Variants in CALN1 observed in about 807,000 individuals in gnomAD.
CALN1 encodes calcium-binding protein 8.
Under a neutral mutation model 30.6 loss-of-function variants are expected in CALN1, and 17 were observed. That is an observed-to-expected ratio of 0.56 (90% CI 0.38 to 0.83). The LOEUF is 0.83. Ranked by LOEUF, CALN1 falls within the 40% of genes least tolerant of loss-of-function variation. CALN1 has a pLI of 0.00. For missense variants in CALN1, 291 were observed against 354.9 expected (o/e 0.82, Z 1.45); for synonymous variants, 156 against 131.4 (o/e 1.19, Z -1.28).
intron 4 of CALN1, among the ~76,000 whole-genome samples, chr7:72,090,022 G>A (rs1805746564): frequency 6.6e-6 from 1 of 152,294 alleles, no homozygotes; most frequent in Middle Eastern, 3.4e-3. Context: ...AATGAAAATA[G>A]AAAATTGGCT....
the CALN1 span, among the ~76,000 whole-genome samples, chr7:72,484,915 G>A: frequency 1.3e-5 from 2 of 151,554 alleles, no homozygotes; most frequent in Non-Finnish European, 2.9e-5. Flanking sequence ...TGTCTTTTTT[G>A]TGTGTCCAAG....
chr7:71,948,432 T>C (rs1796515560), intron 5 of CALN1, among the ~76,000 whole-genome samples: 1 of 152,016 alleles, frequency 6.6e-6, no homozygotes, highest in Non-Finnish European at 1.5e-5. Flanking sequence ...TGAGCTCCAT[T>C]AGAATTTGGT....
intron 5 of CALN1, among the ~76,000 whole-genome samples, chr7:71,897,094 C>T (rs1228942443): frequency 1.3e-5 from 2 of 152,110 alleles, no homozygotes; most frequent in Non-Finnish European, 1.5e-5. Context: ...AACTTGCAGG[C>T]AGCCCTGGAA....
chr7:72,496,618 G>A, the CALN1 span, among the ~76,000 whole-genome samples: 1 of 152,200 alleles, frequency 6.6e-6, no homozygotes, highest in East Asian at 1.9e-4. Flanking sequence ...GTTGGGTGTG[G>A]TGGCTCACGC....
chr7:72,293,633 G>A (rs1191171040), intron 2 of CALN1, among the ~76,000 whole-genome samples: 1 of 152,128 alleles, frequency 6.6e-6, no homozygotes, highest in African/African-American at 2.4e-5. Context: ...GCAGGCAGAT[G>A]ACCAGCAAAG....
At chr7:72,288,599 T>C (rs1798261201) in intron 2 of CALN1, among the ~76,000 whole-genome samples, 1 of 152,172 alleles carries the variant, frequency 6.6e-6, no homozygotes, top group Non-Finnish European at 1.5e-5. Flanking sequence ...AGTCTAGGAG[T>C]GTGTCAATTT....
At chr7:72,314,142 G>C (rs1337767759) in intron 2 of CALN1, among the ~76,000 whole-genome samples, 1 of 152,106 alleles carries the variant, frequency 6.6e-6, no homozygotes, top group Non-Finnish European at 1.5e-5. Flanking sequence ...GGGCAAGGAG[G>C]GGGAGCCAGT....
chr7:72,232,982 G>T (rs117701544), intron 3 of CALN1, among the ~76,000 whole-genome samples: 1 of 151,874 alleles, frequency 6.6e-6, no homozygotes, highest in Non-Finnish European at 1.5e-5. Context: ...CATGTAACAT[G>T]TTTAGCATGT....
chr7:72,301,571 G>C (rs1239673854), intron 2 of CALN1, among the ~76,000 whole-genome samples: 1 of 135,532 alleles, frequency 7.4e-6, no homozygotes, highest in Non-Finnish European at 1.5e-5. Flanking sequence ...TCACGCCACT[G>C]TACTCCAGCC....
chr7:72,462,187 T>C, the CALN1 span, among the ~76,000 whole-genome samples: 5 of 152,060 alleles, frequency 3.3e-5, no homozygotes, highest in African/African-American at 1.2e-4. Flanking sequence ...TGTATTTATT[T>C]ATTTATTTAT....
chr7:72,396,699 G>A (rs532507345), intron 2 of CALN1, among the ~76,000 whole-genome samples: 5 of 152,228 alleles, frequency 3.3e-5, no homozygotes, highest in African/African-American at 9.6e-5. Context: ...GGGAGTTGAA[G>A]ATGTTTCTGC....
the CALN1 span, among the ~76,000 whole-genome samples, chr7:72,492,692 C>A: frequency 6.6e-6 from 1 of 152,148 alleles, no homozygotes; most frequent in Non-Finnish European, 1.5e-5. Flanking sequence ...ATGAAAGTAC[C>A]CACTCTTATC....
At chr7:72,197,270 T>C (rs1004469991) in intron 3 of CALN1, among the ~76,000 whole-genome samples, 3 of 142,182 alleles carry the variant, frequency 2.1e-5, no homozygotes, top group South Asian at 2.5e-4. Flanking sequence ...CTGCAATCTC[T>C]GGCTCACTGC....
intron 5 of CALN1, among the ~76,000 whole-genome samples, chr7:71,930,448 T>C (rs1396944481): frequency 6.6e-6 from 1 of 152,224 alleles, no homozygotes; most frequent in Non-Finnish European, 1.5e-5. Flanking sequence ...GAGTTCTTTA[T>C]ACATTCTAGA....
chr7:71,782,337 C>T lies in CALN1; in HGVS notation c.*5438G>A, dbSNP rs1792761392. On this transcript the variant is annotated 3_prime_UTR_variant, in exon 7 of 7. Transcript: ENST00000395275. ...CTGGCACCTCTTCTCCTCTCTCTTGCTCCTGTTCTTGCTGTGTGACGTGCC... is the reference window on the plus strand; with the variant it reads ...CTGGCACCTCTTCTCCTCTCTCTTGTTCCTGTTCTTGCTGTGTGACGTGCC... 1.3e-5 allele frequency: 2 copies of T among 152,178 alleles called. No individual in the cohort carries two copies. Among genetic ancestry groups the T allele is most frequent in the South Asian group, 4.2e-4 (2 of 4,818 alleles). The allele number at this position is 152,178 out of a possible 1,614,324, so 9.4% of individuals were successfully genotyped here.
At chr7:72,086,944 A>G (rs1296195521) in intron 4 of CALN1, among the ~76,000 whole-genome samples, 1 of 152,194 alleles carries the variant, frequency 6.6e-6, no homozygotes, top group East Asian at 1.9e-4. Context: ...ATGAAGTCAA[A>G]TAATAAAAAT....
At chr7:72,060,229 T>G (rs1803554562) in intron 4 of CALN1, among the ~76,000 whole-genome samples, 3 of 152,186 alleles carry the variant, frequency 2.0e-5, no homozygotes, top group Non-Finnish European at 4.4e-5. Context: ...GCTTACATGC[T>G]CTGAAGGAGA....
chr7:72,362,355 A>C (rs138367609), intron 2 of CALN1, among the ~76,000 whole-genome samples: 77 of 152,232 alleles, frequency 5.1e-4, no homozygotes, highest in African/African-American at 1.8e-3. Flanking sequence ...TGTAGCTTAC[A>C]TATTTCTCAA....
chr7:72,097,363 G>C (rs768319675), intron 4 of CALN1, among the ~76,000 whole-genome samples: 1 of 152,162 alleles, frequency 6.6e-6, no homozygotes, highest in Non-Finnish European at 1.5e-5. Flanking sequence ...AGGTCTTGAG[G>C]ATATCAAGCC....
Sources: gnomAD v4.1 joint callset for allele counts (sites outside exome capture counted in the v4.1 genomes callset) on GRCh38, gnomAD v4.1.1 for gene constraint, MANE v1.5 for transcripts, NCBI Gene and HGNC (gene_info 2026-07-23, HGNC 2026-07-21) for gene names.